NLRP4: variants seen among roughly 807,000 people sequenced by gnomAD.
NLRP4 encodes NACHT, LRR and PYD domains-containing protein 4.
In NLRP4, 44 loss-of-function variants were observed where a neutral mutation model predicts 84.7. That is an observed-to-expected ratio of 0.52 (90% CI 0.41 to 0.67). The LOEUF (loss-of-function observed/expected upper bound fraction) is 0.67, where lower values mean the gene tolerates loss of function less well. Among genes scored for constraint, NLRP4 ranks in the 30% least tolerant of loss-of-function variants. The pLI, the probability that NLRP4 is intolerant of heterozygous loss-of-function variation, is 0.00. For missense variants in NLRP4, 1,260 were observed against 1,219.4 expected, an observed-to-expected ratio of 1.03 and a Z score of -0.50; for synonymous variants, 544 against 476.4, an observed-to-expected ratio of 1.14 and a Z score of -1.85.
At chr19:55,879,049 C>A in intron 9 of NLRP4, 85 bp downstream of exon 9, 1 of 1,060,644 alleles carries the variant, frequency 9.4e-7, no homozygotes, top group Non-Finnish European at 1.4e-6. Flanking sequence ...AATCACGTTG[C>A]ATTTAAAATG....
chr19:55,848,951 C>T (rs193258190), intron 1 of NLRP4, among the ~76,000 whole-genome samples: 28 of 152,252 alleles, frequency 1.8e-4, no homozygotes, highest in Admixed American at 1.0e-3. Flanking sequence ...TCTTGTCTGC[C>T]GCCATGTAAG....
rs149382659 is a variant in NLRP4, at chr19:55,852,834, G to A, written c.280+474G>A. Among the ~76,000 whole-genome samples, 220 of 152,190 alleles carry A rather than the reference G, an allele frequency of 1.4e-3. 2 individuals are homozygous for A. The highest frequency in any genetic ancestry group is 1.0e-3 in the South Asian group (5 of 4,824). ...CTCTTAGACGTGGTGGTTACATGTG[G>A]GTAAAATGTCAGTGGCTATTATGTC... On this transcript the variant is annotated intron_variant, in intron 2 of 9. Transcript: ENST00000301295.
chr19:55,864,532 CAT>C (rs1206150081), intron 5 of NLRP4, among the ~76,000 whole-genome samples: 5 of 152,278 alleles, frequency 3.3e-5, no homozygotes, highest in African/African-American at 9.6e-5. Flanking sequence ...TATGAACACT[CAT>C]GTGTGAACAC....
rs764609292 is a variant in NLRP4 at position 55,858,791 on chromosome 19, C to T, written c.1398C>T (p.Leu466=). The T allele has an allele frequency of 2.5e-6, 4 of 1,614,180 alleles. No individual in the cohort carries two copies. The East Asian group carries it at 6.7e-5, about 27-fold the overall frequency. ...QEFCAALFYL[L]KSHLDHPHPA... is the part of the protein sequence containing the mutation. ...TCTGTGCCGCCTTGTTCTATTTGCT[C>T]AAGAGCCACCTTGATCATCCTCACC... The change falls in exon 3 of 10, where the codon CTC becomes CTT. Residue 466 remains leucine (L), a synonymous_variant. Coordinates refer to ENST00000301295, the MANE Select transcript of NLRP4 (RefSeq NM_134444.5). The surrounding 1 kb of genome is among the most constrained non-coding windows in gnomAD (Gnocchi z 4.2).
At chr19:55,853,779 TTCTG>T (rs1260812928) in intron 2 of NLRP4, among the ~76,000 whole-genome samples, 84 of 148,342 alleles carry the variant, frequency 5.7e-4, no homozygotes, top group African/African-American at 2.0e-3. Context: ...CTCTCTCTCT[TTCTG>T]TCTCTCTTTC....
chr19:55,847,610 C>T (rs888361462), intron 1 of NLRP4, among the ~76,000 whole-genome samples: 4 of 152,044 alleles, frequency 2.6e-5, no homozygotes, highest in Non-Finnish European at 4.4e-5. Flanking sequence ...TCTCTAGTAA[C>T]GACTTTCGTT....
chr19:55,847,163 C>A (rs7249907), intron 1 of NLRP4, among the ~76,000 whole-genome samples: 1 of 151,370 alleles, frequency 6.6e-6, no homozygotes, highest in African/African-American at 2.4e-5. Flanking sequence ...GAGGGGGGGG[C>A]AGCAACATTC....
At position 55,867,816 on chromosome 19, in the gene NLRP4, C is replaced by T. The variant is rs1220747467; in HGVS notation, c.2294C>T (p.Thr765Ile). Reference sequence around the variant, plus strand: ...AATGTATCCTGCAACCAGTTAGACACAGGCGTGCCCCTTTTGTGTGAAGCC... The same window carrying T: ...AATGTATCCTGCAACCAGTTAGACATAGGCGTGCCCCTTTTGTGTGAAGCC... ...YLNVSCNQLD[T>I]GVPLLCEALC... The change falls in exon 6 of 10, where the codon ACA becomes ATA. Residue 765 changes from threonine to isoleucine, a missense_variant. By Grantham distance (89) the Thr-to-Ile change is moderately conservative. This residue lies in a region of NLRP4 where 544 missense variants were observed against 531.7 expected (regional missense o/e 1.02). Transcript: ENST00000301295. The T allele has an allele frequency of 5.6e-6, 9 of 1,614,190 alleles. No individual in the cohort carries two copies. The highest frequency in any genetic ancestry group is 6.8e-6 in the Non-Finnish European group (8 of 1,180,018).
chr19:55,837,495 A>G (rs1983390841), intron 1 of NLRP4, among the ~76,000 whole-genome samples: 1 of 152,126 alleles, frequency 6.6e-6, no homozygotes, highest in South Asian at 2.1e-4. Flanking sequence ...CCCCTTCTCC[A>G]ATTATGCCAT....
intron 2 of NLRP4, among the ~76,000 whole-genome samples, chr19:55,854,542 T>A (rs1984334246): frequency 6.6e-6 from 1 of 152,216 alleles, no homozygotes; most frequent in Non-Finnish European, 1.5e-5. Flanking sequence ...TGTAATATCT[T>A]GTTCCAGTGA....
chr19:55,873,466 AAACG>A (rs1209622594), intron 7 of NLRP4, among the ~76,000 whole-genome samples: 17 of 152,210 alleles, frequency 1.1e-4, no homozygotes, highest in African/African-American at 3.4e-4. Flanking sequence ...GCTAGTAATT[AAACG>A]AACAGATTAA....
At chr19:55,864,922 A>G (rs1984895988) in intron 5 of NLRP4, among the ~76,000 whole-genome samples, 1 of 152,154 alleles carries the variant, frequency 6.6e-6, no homozygotes, top group Non-Finnish European at 1.5e-5. Flanking sequence ...CACATTTTTA[A>G]AAACTTTTAT....
intron 2 of NLRP4, among the ~76,000 whole-genome samples, chr19:55,853,532 A>C (rs1984252934): frequency 6.6e-6 from 1 of 152,112 alleles, no homozygotes; most frequent in South Asian, 2.1e-4. Context: ...CTGGGACTAC[A>C]GGTGTGTGCC....
intron 1 of NLRP4, among the ~76,000 whole-genome samples, chr19:55,845,871 G>GGTGT (rs1555807008): frequency 8.4e-6 from 1 of 119,290 alleles, no homozygotes; most frequent in Non-Finnish European, 1.6e-5. Flanking sequence ...TTTTGATGGG[G>GGTGT]TTGTTTTTTT....
At chr19:55,873,042 A>G (rs1985248686) in intron 7 of NLRP4, among the ~76,000 whole-genome samples, 1 of 152,204 alleles carries the variant, frequency 6.6e-6, no homozygotes, top group Non-Finnish European at 1.5e-5. Flanking sequence ...TTGTCAACCT[A>G]GAATTCTATA....
chr19:55,845,034 T>A (rs950459541), intron 1 of NLRP4, among the ~76,000 whole-genome samples: 7 of 152,124 alleles, frequency 4.6e-5, no homozygotes, highest in South Asian at 2.1e-4. Flanking sequence ...CACTTTTTTT[T>A]AATTATTATA....
intron 1 of NLRP4, among the ~76,000 whole-genome samples, chr19:55,844,163 G>C (rs925310896): frequency 3.9e-5 from 6 of 152,274 alleles, no homozygotes; most frequent in South Asian, 4.1e-4. Flanking sequence ...GGGAGAATCA[G>C]TTTATTCCTC....
chr19:55,856,773 C>G (rs1984447514), intron 2 of NLRP4, among the ~76,000 whole-genome samples: 1 of 152,132 alleles, frequency 6.6e-6, no homozygotes, highest in South Asian at 2.1e-4. Flanking sequence ...CTTGGCCTCC[C>G]AAAGTTCTGG....
At position 55,858,487 on chromosome 19, in the gene NLRP4, G is replaced by GC; in HGVS notation, c.1096dup (p.Gln366ProfsTer13). On this transcript the variant is annotated frameshift_variant, in exon 3 of 10. Transcript: ENST00000301295. LOFTEE classifies it high-confidence loss of function. The surrounding 1 kb of genome is among the most constrained non-coding windows in gnomAD (Gnocchi z 4.2). ...AAAGGAAAAGACCTGGCCCTGACCT[G>GC]CCAGAGCACTACCTCTGTGTACTCC... 1 of 1,614,114 alleles carries GC rather than the reference G, an allele frequency of 6.2e-7. No homozygotes were observed. The highest frequency in any genetic ancestry group is 1.1e-5 in the South Asian group (1 of 91,082).
Sources: allele counts gnomAD v4.1 joint callset (sites outside exome capture counted in the v4.1 genomes callset), GRCh38; gene constraint gnomAD v4.1.1; regional missense constraint gnomAD v4.1.1; non-coding constraint Gnocchi (gnomAD v3.1); transcripts MANE v1.5; gene names NCBI Gene and HGNC (gene_info 2026-07-23, HGNC 2026-07-21).